Variants in ZNF385D observed in about 807,000 individuals in gnomAD.
The protein encoded by ZNF385D is zinc finger protein 385D, also known as zinc finger protein 659.
Under a neutral mutation model 35.8 loss-of-function variants are expected in ZNF385D, and 15 were observed. The ratio of observed to expected loss-of-function variants is 0.42; its 90% CI spans 0.28 to 0.64. The LOEUF is 0.64. Among genes scored for constraint, ZNF385D ranks in the 30% least tolerant of loss-of-function variants. The pLI, the probability that ZNF385D is intolerant of heterozygous loss-of-function variation, is 0.23. For synonymous variants in ZNF385D, 212 were observed against 186.8 expected (o/e 1.13, Z -1.10); for missense variants, 474 against 494.6 (o/e 0.96, Z 0.39).
intron 2 of ZNF385D, among the ~76,000 whole-genome samples, chr3:21,635,256 A>C (rs2065394158): frequency 6.6e-6 from 1 of 152,128 alleles, no homozygotes; most frequent in Non-Finnish European, 1.5e-5. Flanking sequence ...TTGGTTTATA[A>C]AACAAAAACA....
chr3:21,887,481 A>C (rs1698608445), intron 3 of ZNF385D, among the ~76,000 whole-genome samples: 1 of 152,186 alleles, frequency 6.6e-6, no homozygotes, highest in Admixed American at 6.6e-5. Context: ...AATTCTATAG[A>C]AACAAAAATA....
At chr3:21,588,080 G>C (rs1559435871) in intron 2 of ZNF385D, among the ~76,000 whole-genome samples, 1 of 152,088 alleles carries the variant, frequency 6.6e-6, no homozygotes, top group Non-Finnish European at 1.5e-5. Flanking sequence ...TAAAGTTCCT[G>C]GTCTCAATGA....
intron 3 of ZNF385D, among the ~76,000 whole-genome samples, chr3:22,068,294 G>A (rs1700061856): frequency 6.6e-6 from 1 of 151,796 alleles, no homozygotes; most frequent in Admixed American, 6.6e-5. Flanking sequence ...CTCTTCAAAC[G>A]AATTGATACT....
chr3:21,528,313 G>T (rs1250456994), intron 3 of ZNF385D, among the ~76,000 whole-genome samples: 3 of 152,066 alleles, frequency 2.0e-5, no homozygotes, highest in Admixed American at 6.6e-5. Flanking sequence ...CAATCTCAGG[G>T]GCATATAAAA....
chr3:21,671,630 T>C (rs1156531529), intron 1 of ZNF385D, among the ~76,000 whole-genome samples: 1 of 152,138 alleles, frequency 6.6e-6, no homozygotes, highest in Non-Finnish European at 1.5e-5. Context: ...CAAATAGCTT[T>C]TGAACTAAAA....
intron 3 of ZNF385D, among the ~76,000 whole-genome samples, chr3:22,165,129 T>C (rs1341723125): frequency 1.3e-5 from 2 of 152,176 alleles, no homozygotes; most frequent in African/African-American, 4.8e-5. Flanking sequence ...ACAACACCAA[T>C]GGTAAACACT....
At chr3:21,859,289 A>G (rs1363864975) in intron 3 of ZNF385D, among the ~76,000 whole-genome samples, 1 of 152,052 alleles carries the variant, frequency 6.6e-6, no homozygotes, top group East Asian at 1.9e-4. Context: ...CTTCTGCTTC[A>G]GGAAGAAAGC....
At chr3:21,773,592 C>T (rs770344201) in intron 3 of ZNF385D, among the ~76,000 whole-genome samples, 1 of 151,860 alleles carries the variant, frequency 6.6e-6, no homozygotes, top group Non-Finnish European at 1.5e-5. Flanking sequence ...CAAACAATCC[C>T]ATTAAAAAGT....
chr3:21,423,242 T>C (rs1192804482), intron 7 of ZNF385D, among the ~76,000 whole-genome samples: 1 of 152,158 alleles, frequency 6.6e-6, no homozygotes, highest in Admixed American at 6.5e-5. Flanking sequence ...ATAATTGCAG[T>C]TTTCCTTTAT....
At position 22,132,197 on chromosome 3, in the gene ZNF385D, C is replaced by T. The variant is rs560042851; in HGVS notation, c.325+36620G>A. ...TATTTGGAGGCAGGATCTTGGGTCA[C>T]AAGGGTAGAACCCTAATGAATGGCA... On this transcript the variant is annotated intron_variant, in intron 3 of 5. Transcript: ENST00000494108. Among the ~76,000 whole-genome samples, 5 of 152,142 alleles carry T rather than the reference C, an allele frequency of 3.3e-5. No homozygotes were observed. The South Asian group carries it at 1.0e-3, about 32-fold the overall frequency.
At position 21,612,289 on chromosome 3, in the gene ZNF385D, G is replaced by A. The variant is rs147909135; in HGVS notation, c.166-47605C>T. On this transcript the variant is annotated intron_variant, in intron 2 of 7. Coordinates refer to ENST00000281523, the MANE Select transcript of ZNF385D (RefSeq NM_024697.3). The stretch of plus-strand genomic sequence containing the variant: ...TTTGTTTTTTATTTTTAGTAGAGAC[G>A]GGGTATCACCGTGTTGGGCAGGGTG... 8.6e-5 allele frequency among the ~76,000 whole-genome samples: 13 copies of A among 152,026 alleles called. No homozygotes were observed. In the East Asian group the frequency reaches 2.3e-3, roughly 27 times the overall value.
intron 2 of ZNF385D, among the ~76,000 whole-genome samples, chr3:22,289,315 C>G (rs962230787): frequency 1.3e-5 from 2 of 152,138 alleles, no homozygotes; most frequent in African/African-American, 2.4e-5. Context: ...CAATTCATTA[C>G]GTGCAAGCTG....
chr3:21,982,915 C>A (rs1407957724), intron 3 of ZNF385D, among the ~76,000 whole-genome samples: 3 of 151,678 alleles, frequency 2.0e-5, no homozygotes, highest in Admixed American at 1.3e-4. Flanking sequence ...GTATGTTGAA[C>A]CAACTTGCCT....
chr3:21,767,700 G>C (rs2070892134), intron 3 of ZNF385D, among the ~76,000 whole-genome samples: 2 of 152,030 alleles, frequency 1.3e-5, no homozygotes, highest in Admixed American at 6.6e-5. Flanking sequence ...GAGGAAGAGA[G>C]GGTAGAGAGG....
Position 22,259,235 on chromosome 3 carries a change from T to C in ZNF385D, c.107-90200A>G, listed in dbSNP as rs181851454. On this transcript the variant is annotated intron_variant, in intron 2 of 5. Coordinates refer to the ZNF385D transcript ENST00000494108. The stretch of plus-strand genomic sequence containing the variant: ...ATATATATAAAATCTCATGTAATAA[T>C]ATCATCTCTGAGCTTATCAGAAAAG... Among the ~76,000 whole-genome samples, 118 of 152,046 alleles carry C rather than the reference T, an allele frequency of 7.8e-4. 1 individual carries two copies. The highest frequency in any genetic ancestry group is 2.6e-3 in the African/African-American group (106 of 41,552).
intron 2 of ZNF385D, among the ~76,000 whole-genome samples, chr3:21,655,892 C>G (rs1001644442): frequency 2.6e-5 from 4 of 151,990 alleles, no homozygotes; most frequent in Non-Finnish European, 5.9e-5. Context: ...ATATGCAAGG[C>G]TCTTATGAAA....
intron 3 of ZNF385D, among the ~76,000 whole-genome samples, chr3:21,528,924 T>C (rs233149): frequency 0.18 from 26,692 of 152,084 alleles, 2,409 homozygotes; most frequent in Admixed American, 0.25. Flanking sequence ...ACAAGTTCTA[T>C]GGCCTTAAGA....
intron 1 of ZNF385D, among the ~76,000 whole-genome samples, chr3:21,707,869 A>T (rs751819022): frequency 2.0e-5 from 3 of 152,200 alleles, no homozygotes; most frequent in Admixed American, 2.0e-4. Flanking sequence ...GAAGATGAGA[A>T]GTGAGTAAGC....
chr3:21,523,487 C>T (rs1708041194), intron 3 of ZNF385D, among the ~76,000 whole-genome samples: 1 of 152,206 alleles, frequency 6.6e-6, no homozygotes, highest in Admixed American at 6.5e-5. Flanking sequence ...CAGTCTATCA[C>T]AGGCCCATAA....
Sources: allele counts gnomAD v4.1 joint callset (sites outside exome capture counted in the v4.1 genomes callset), GRCh38; gene constraint gnomAD v4.1.1; transcripts MANE v1.5; gene names NCBI Gene and HGNC (gene_info 2026-07-23, HGNC 2026-07-21).